Variants in TMPRSS9 observed in about 807,000 individuals in gnomAD.
TMPRSS9 encodes the protein transmembrane protease serine 9.
In TMPRSS9, 113 loss-of-function variants were observed where a neutral mutation model predicts 111.4. That is an observed-to-expected ratio of 1.01 (90% CI 0.87 to 1.19). The LOEUF (loss-of-function observed/expected upper bound fraction) is 1.19, where lower values mean the gene tolerates loss of function less well. Ranked by LOEUF, TMPRSS9 falls within the 50% of genes most tolerant of loss-of-function variation. TMPRSS9 has a pLI of 0.00. For missense variants in TMPRSS9, 1,803 were observed against 1,513.1 expected (o/e 1.19, Z -3.18); for synonymous variants, 805 against 659.1 (o/e 1.22, Z -3.39).
chr19:2,398,297 A>G (rs547321826), intron 2 of TMPRSS9, among the ~76,000 whole-genome samples: 70 of 145,456 alleles, frequency 4.8e-4, no homozygotes, highest in African/African-American at 1.7e-3. Flanking sequence ...CTCTGTCTCA[A>G]AATAATAATA....
chr19:2,391,985 AC>A lies in TMPRSS9; in HGVS notation c.142+2060del, dbSNP rs1295660988. On this transcript the variant is annotated intron_variant, in intron 1 of 17. Transcript: ENST00000648592. ...TCAAACTGCTGACCTCAAGTGATCC[AC>A]CTGCCTTGGCCTCCGAAAGTGCTGG... Among the ~76,000 whole-genome samples the A allele has an allele frequency of 3.9e-5, 6 of 151,924 alleles. No homozygotes were observed. The East Asian group carries it at 1.2e-3, about 30-fold the overall frequency.
rs145333061 is a variant in TMPRSS9, at chr19:2,399,116, G to A, written c.437G>A (p.Arg146Gln). 217 of 1,613,442 alleles carry A rather than the reference G, an allele frequency of 1.3e-4. No individual in the cohort carries two copies. The highest frequency in any genetic ancestry group is 1.7e-4 in the Non-Finnish European group (202 of 1,179,854). Residue 146 changes from arginine (R) to glutamine (Q), a missense_variant, in exon 4 of 18, where the codon CGA (arginine) becomes CAA (glutamine). By Grantham distance (43) the Arg-to-Gln change is conservative (BLOSUM62 1). Transcript: ENST00000648592. ...GGCCTGGAGGAGGAGCTATTGCAGC[G>A]AGGGATCCGGGCAAGGCTGCGGGAG...
At chr19:2,422,574 CAAAA>C (rs1971492038) in intron 14 of TMPRSS9, among the ~76,000 whole-genome samples, 1 of 151,398 alleles carries the variant, frequency 6.6e-6, no homozygotes, top group African/African-American at 2.4e-5. Flanking sequence ...AACTCCGTCT[CAAAA>C]AAGAAAAAGA....
intron 1 of TMPRSS9, among the ~76,000 whole-genome samples, chr19:2,382,197 T>C (rs1970393332): frequency 6.6e-6 from 1 of 152,184 alleles, no homozygotes; most frequent in African/African-American, 2.4e-5. Flanking sequence ...TCTCACTCTG[T>C]GTTGCCCAGG....
At chr19:2,425,045 T>G in exon 16 of TMPRSS9, 1 of 1,559,284 alleles carries the variant, frequency 6.4e-7, no homozygotes, top group African/African-American at 1.4e-5. Flanking sequence ...AGGCACGCCG[T>G]TCCTGAGCGG....
chr19:2,393,071 G>A (rs567663884), intron 1 of TMPRSS9, among the ~76,000 whole-genome samples: 20 of 152,250 alleles, frequency 1.3e-4, no homozygotes, highest in African/African-American at 4.6e-4. Flanking sequence ...ACCAATCAGC[G>A]CTCTGTAAAA....
At chr19:2,412,485 C>T (rs1431576228) in intron 9 of TMPRSS9, among the ~76,000 whole-genome samples, 3 of 152,190 alleles carry the variant, frequency 2.0e-5, no homozygotes, top group Admixed American at 6.6e-5. Context: ...TGGCGAGGGA[C>T]ATTAACAGTT....
chr19:2,393,050 C>A (rs1970631570), intron 1 of TMPRSS9, among the ~76,000 whole-genome samples: 1 of 152,140 alleles, frequency 6.6e-6, no homozygotes, highest in African/African-American at 2.4e-5. Context: ...AGTCAGCTCT[C>A]TGTAAAATGG....
chr19:2,368,720 A>G (rs1970265555), intron 1 of TMPRSS9, among the ~76,000 whole-genome samples: 1 of 149,990 alleles, frequency 6.7e-6, no homozygotes, highest in East Asian at 2.0e-4. Context: ...CGGTCTGACA[A>G]CGTTTTTGGA....
At chr19:2,397,888 C>G (rs374006889) in intron 2 of TMPRSS9, among the ~76,000 whole-genome samples, 271 of 134,366 alleles carry the variant, frequency 2.0e-3, no homozygotes, top group African/African-American at 7.3e-3. Flanking sequence ...CCATTGCACT[C>G]CAGCCTGGGT....
At chr19:2,401,057 A>G (rs184376235) in intron 4 of TMPRSS9, among the ~76,000 whole-genome samples, 6,422 of 146,380 alleles carry the variant, frequency 0.044, 182 homozygotes, top group East Asian at 0.095. Flanking sequence ...GGCAGATCAC[A>G]AGGTCAGGAG....
exon 12 of TMPRSS9, chr19:2,416,792 A>G: frequency 6.2e-7 from 1 of 1,610,536 alleles, no homozygotes; most frequent in South Asian, 1.1e-5. Flanking sequence ...GGATGGGGAA[A>G]TACGCAGGAA....
At chr19:2,379,639 T>TTC (rs1568170791) in intron 1 of TMPRSS9, among the ~76,000 whole-genome samples, 1 of 147,380 alleles carries the variant, frequency 6.8e-6, no homozygotes, top group African/African-American at 2.6e-5. Flanking sequence ...CTTTCTTTCT[T>TTC]TCTTTCTTTC....
intron 1 of TMPRSS9, among the ~76,000 whole-genome samples, chr19:2,362,386 C>T (rs1292188999): frequency 6.6e-6 from 1 of 151,002 alleles, no homozygotes; most frequent in Non-Finnish European, 1.5e-5. Flanking sequence ...GTCATTGTGC[C>T]TGTGATTGTG....
chr19:2,368,224 A>G (rs1970262371), intron 1 of TMPRSS9, among the ~76,000 whole-genome samples: 1 of 152,084 alleles, frequency 6.6e-6, no homozygotes, highest in Non-Finnish European at 1.5e-5. Flanking sequence ...TCCAATGGTT[A>G]AGGGAAGACA....
chr19:2,389,076 CTTT>C (rs1197842508), upstream of TMPRSS9, among the ~76,000 whole-genome samples: 3 of 139,752 alleles, frequency 2.1e-5, no homozygotes, highest in Non-Finnish European at 1.6e-5. Flanking sequence ...CACGTTCCAC[CTTT>C]TTTTTTTTTT....
intron 1 of TMPRSS9, 35 bp from the exon 3 acceptor site, chr19:2,396,504 G>A (rs765584959): frequency 8.3e-6 from 13 of 1,561,336 alleles, no homozygotes; most frequent in African/African-American, 2.7e-5. Context: ...GCCCCCAAAG[G>A]TGGGCTCTCT....
At chr19:2,399,673 T>G (rs186277785) in intron 4 of TMPRSS9, among the ~76,000 whole-genome samples, 2 of 151,850 alleles carry the variant, frequency 1.3e-5, no homozygotes, top group Admixed American at 1.3e-4. Context: ...AGAGCCAGAG[T>G]GTTGTGTTGT....
At chr19:2,408,285 C>T (rs1032209221) in intron 7 of TMPRSS9, 71 bp from the exon 9 acceptor site, 32 of 1,504,346 alleles carry the variant, frequency 2.1e-5, no homozygotes, top group East Asian at 6.8e-5. Flanking sequence ...GCACCCAAGG[C>T]GAGTGTCCCG....
Sources: allele counts gnomAD v4.1 joint callset (sites outside exome capture counted in the v4.1 genomes callset), GRCh38; gene constraint gnomAD v4.1.1; transcripts MANE v1.5; gene names NCBI Gene and HGNC (gene_info 2026-07-23, HGNC 2026-07-21).